Variants in PDXDC1 observed in about 807,000 individuals in gnomAD.
PDXDC1 encodes the protein pyridoxal-dependent decarboxylase domain-containing protein 1.
PDXDC1 carries 42 observed loss-of-function variants against 100.1 expected under a neutral mutation model. The observed-to-expected ratio is 0.42, with a 90% CI of 0.33 to 0.54. PDXDC1 has a LOEUF of 0.54. PDXDC1 is among the 20% of genes least tolerant of loss of function. PDXDC1 has a pLI of 0.10. For missense variants in PDXDC1, 636 were observed against 979.2 expected, an observed-to-expected ratio of 0.65 and a Z score of 4.68; for synonymous variants, 260 against 371.7, an observed-to-expected ratio of 0.70 and a Z score of 3.46.
chr16:15,063,925 G>A (rs1029933799), intron 16 of PDXDC1, among the ~76,000 whole-genome samples: 5 of 152,018 alleles, frequency 3.3e-5, no homozygotes, highest in Admixed American at 2.6e-4. Flanking sequence ...AAATGAAACC[G>A]TAATATTCTG....
chr16:15,130,245 G>A (rs1292933193), intron 16 of PDXDC1: 4 of 1,548,756 alleles, frequency 2.6e-6, no homozygotes, highest in Non-Finnish European at 3.5e-6. Flanking sequence ...GAAGAGGCTG[G>A]CGCCGAAGGC....
At chr16:15,038,356 A>AAGTTGAC (rs1482068985), downstream of PDXDC1, 9 of 659,266 alleles carry the variant, frequency 1.4e-5, no homozygotes, top group Non-Finnish European at 2.1e-5. Context: ...AGTAAGAAAA[A>AAGTTGAC]AGTTGATTGC....
chr16:15,038,569 C>G (rs373369955), downstream of PDXDC1: 142 of 1,488,076 alleles, frequency 9.5e-5, no homozygotes, highest in Non-Finnish European at 1.1e-4. Flanking sequence ...CCTGTAAACT[C>G]TCACCTCTAG....
intron 16 of PDXDC1, among the ~76,000 whole-genome samples, chr16:15,102,302 A>C (rs986894881): frequency 1.3e-5 from 2 of 151,922 alleles, no homozygotes; most frequent in Non-Finnish European, 2.9e-5. Context: ...TCTGAGGAGG[A>C]TTTCATTATA....
intron 16 of PDXDC1, among the ~76,000 whole-genome samples, chr16:15,063,829 G>T (rs1357883481): frequency 6.6e-6 from 1 of 151,842 alleles, no homozygotes; most frequent in Non-Finnish European, 1.5e-5. Context: ...TTGAACTACC[G>T]TTTTTCATCT....
At chr16:15,017,935 C>T (rs1443556636) in intron 11 of PDXDC1, among the ~76,000 whole-genome samples, 3 of 152,194 alleles carry the variant, frequency 2.0e-5, no homozygotes, top group African/African-American at 4.8e-5. Context: ...GCTGGGATTA[C>T]AGGCATGCGC....
chr16:15,149,455 C>T, the PDXDC1 span, among the ~76,000 whole-genome samples: 94 of 152,308 alleles, frequency 6.2e-4, no homozygotes, highest in African/African-American at 2.2e-3. Flanking sequence ...GGGGCCCCTC[C>T]GTGGCCTGGC....
intron 1 of PDXDC1, among the ~76,000 whole-genome samples, chr16:14,993,471 C>T (rs1413114830): frequency 9.2e-5 from 14 of 152,270 alleles, no homozygotes; most frequent in African/African-American, 3.1e-4. Flanking sequence ...AGGACATGAA[C>T]TCACCATTTT....
chr16:15,143,014 C>T (rs1459513862), downstream of PDXDC1, among the ~76,000 whole-genome samples: 1 of 152,164 alleles, frequency 6.6e-6, no homozygotes, highest in Non-Finnish European at 1.5e-5. Flanking sequence ...TGCACAGGGA[C>T]AGCCTGATGG....
rs5816116 is a variant in PDXDC1, at chr16:14,977,269, C to CTT, written c.21+2076_21+2077dup. Reference sequence around the variant, plus strand: ...AAGTTTTTCAGAACTATGGGACTTACTTTTTTTTTTTTTTTTTTTTTTTTT... The same window carrying CTT: ...AAGTTTTTCAGAACTATGGGACTTACTTTTTTTTTTTTTTTTTTTTTTTTTTT... On this transcript the variant is annotated intron_variant, in intron 1 of 22. Transcript: ENST00000396410. Among the ~76,000 whole-genome samples, 634 of 94,998 alleles carry CTT rather than the reference C, an allele frequency of 6.7e-3. 2 individuals carry two copies. The highest frequency in any genetic ancestry group is 0.032 in the East Asian group (77 of 2,424). The allele number at this position is 94,998 out of a possible 152,430, so 62.3% of individuals were successfully genotyped here. A position where few individuals can be genotyped will look rare whatever the true frequency, so the allele number is the denominator to read the frequency against.
intron 16 of PDXDC1, among the ~76,000 whole-genome samples, chr16:15,082,931 G>A (rs2045764722): frequency 6.6e-6 from 1 of 152,158 alleles, no homozygotes; most frequent in Non-Finnish European, 1.5e-5. Flanking sequence ...AGTAATTCTT[G>A]TCCATATGAG....
intron 1 of PDXDC1, among the ~76,000 whole-genome samples, chr16:14,980,920 A>G (rs1414637256): frequency 2.0e-5 from 3 of 152,292 alleles, no homozygotes; most frequent in African/African-American, 4.8e-5. Context: ...ATTTTTATTA[A>G]TCGAAGGTGA....
downstream of PDXDC1, among the ~76,000 whole-genome samples, chr16:15,140,095 CAAAAA>C (rs372891971): frequency 2.3e-5 from 1 of 43,838 alleles, no homozygotes; most frequent in African/African-American, 1.1e-4. Flanking sequence ...GACTCCATCT[CAAAAA>C]AAAAAAAAAA....
At chr16:15,125,490 C>T in intron 16 of PDXDC1, 3 of 1,215,988 alleles carry the variant, frequency 2.5e-6, no homozygotes, top group Admixed American at 1.7e-5. Context: ...GCCCGCACAC[C>T]CCCGGTACTC....
rs55852324 is a variant in PDXDC1, at chr16:15,072,245, C to CAA, written c.1399+42204_1399+42205dup. ...AAGCCTTCTACATTCTTTCCCCCAC[C>CAA]AAAAAAAAAAAAAAAAGAAGAAGAA... On this transcript the variant is annotated intron_variant, in intron 16 of 16. Coordinates refer to the PDXDC1 transcript ENST00000535621. Among the ~76,000 whole-genome samples the CAA allele has an allele frequency of 7.4e-3, 993 of 133,450 alleles. 10 individuals are homozygous for CAA. Among genetic ancestry groups the CAA allele is most frequent in the African/African-American group, 0.025 (890 of 35,392 alleles). 87.5% of individuals were successfully genotyped at this position (133,450 alleles called of 152,430 possible).
intron 11 of PDXDC1, among the ~76,000 whole-genome samples, chr16:15,018,497 C>T (rs2041957851): frequency 6.6e-6 from 1 of 152,290 alleles, no homozygotes; most frequent in South Asian, 2.1e-4. Flanking sequence ...TAAAACACTG[C>T]TGTCTTGCTC....
At chr16:15,020,682 TAAAA>T (rs1202569342) in intron 12 of PDXDC1, among the ~76,000 whole-genome samples, 4 of 151,716 alleles carry the variant, frequency 2.6e-5, no homozygotes, top group Admixed American at 2.6e-4. Flanking sequence ...CTCAGTCTTT[TAAAA>T]AAAGAAAGAA....
intron 16 of PDXDC1, among the ~76,000 whole-genome samples, chr16:15,075,877 CCTA>C (rs2045432327): frequency 1.3e-5 from 2 of 152,160 alleles, no homozygotes; most frequent in Non-Finnish European, 2.9e-5. Context: ...CTCACAGCCG[CCTA>C]CTTTCTCCAG....
chr16:14,986,875 T>C (rs2151217884), intron 1 of PDXDC1, among the ~76,000 whole-genome samples: 1 of 152,398 alleles, frequency 6.6e-6, no homozygotes, highest in East Asian at 1.9e-4. Flanking sequence ...GCCTCCTGAG[T>C]AGCTGGGACT....
Sources: gnomAD v4.1 joint callset for allele counts (sites outside exome capture counted in the v4.1 genomes callset) on GRCh38, gnomAD v4.1.1 for gene constraint, MANE v1.5 for transcripts, NCBI Gene and HGNC (gene_info 2026-07-23, HGNC 2026-07-21) for gene names.